FGF14: variants seen among roughly 807,000 people sequenced by gnomAD.
FGF14 encodes the protein fibroblast growth factor homologous factor 4.
A neutral mutation model predicts 25.5 loss-of-function variants in FGF14; 5 were observed. The observed-to-expected ratio is 0.20, with a 90% CI of 0.10 to 0.41. The LOEUF (loss-of-function observed/expected upper bound fraction) is 0.41. Among genes scored for constraint, FGF14 ranks in the 10% least tolerant of loss-of-function variants. The pLI is 1.00. For missense variants in FGF14, 222 were observed against 320.1 expected (o/e 0.69, Z 2.34); for synonymous variants, 138 against 118.3 (o/e 1.17, Z -1.08).
chr13:102,370,670 G>A (rs781716439), intron 1 of FGF14, among the ~76,000 whole-genome samples: 4 of 152,102 alleles, frequency 2.6e-5, no homozygotes, highest in Non-Finnish European at 4.4e-5. Context: ...AACTAAGTGA[G>A]ATAAAAAATG....
chr13:101,997,480 G>T (rs1377306741), intron 1 of FGF14, among the ~76,000 whole-genome samples: 1 of 152,078 alleles, frequency 6.6e-6, no homozygotes, highest in East Asian at 1.9e-4. Context: ...CAGATTTTAG[G>T]CATTATAACA....
At position 101,901,836 on chromosome 13, in the gene FGF14, A is replaced by T. The variant is rs78484975; in HGVS notation, c.193+14617T>A. On this transcript the variant is annotated intron_variant, in intron 1 of 4. Coordinates refer to ENST00000376143, the MANE Select transcript of FGF14 (RefSeq NM_004115.4). ...TATGACCCAGGAAAAATTACTTAACATCTGTCAGTTTCCATTCTTTCGTTT... is the reference window on the plus strand; with the variant it reads ...TATGACCCAGGAAAAATTACTTAACTTCTGTCAGTTTCCATTCTTTCGTTT... Among the ~76,000 whole-genome samples the T allele has an allele frequency of 8.7e-3, 1,324 of 152,272 alleles. 22 individuals are homozygous for T. Among genetic ancestry groups the T allele is most frequent in the African/African-American group, 0.031 (1,267 of 41,536 alleles).
rs373913556 is a variant in FGF14 at position 102,073,723 on chromosome 13, A to G, written c.209-198427T>C. Reference sequence around the variant, plus strand: ...CAATCAAATGGAAGATCTCTCTGTCATGTAATTTTTATATCAAAGGCCTAT... The same window carrying G: ...CAATCAAATGGAAGATCTCTCTGTCGTGTAATTTTTATATCAAAGGCCTAT... On this transcript the variant is annotated intron_variant, in intron 1 of 4. Coordinates refer to the FGF14 transcript ENST00000376131. Among the ~76,000 whole-genome samples the G allele has an allele frequency of 2.6e-4, 40 of 152,364 alleles. No homozygotes were observed. The East Asian group carries it at 3.1e-3, about 12-fold the overall frequency.
At chr13:101,828,139 T>C (rs990678495) in intron 3 of FGF14, among the ~76,000 whole-genome samples, 8 of 152,054 alleles carry the variant, frequency 5.3e-5, no homozygotes, top group Admixed American at 5.3e-4. Flanking sequence ...ATACAGATAT[T>C]GTTCTGACTC....
At chr13:102,008,825 T>A (rs2039936555) in intron 1 of FGF14, among the ~76,000 whole-genome samples, 2 of 152,188 alleles carry the variant, frequency 1.3e-5, no homozygotes, top group Admixed American at 1.3e-4. Context: ...TGATGTGTAA[T>A]CACAACACAA....
rs188083398 is a variant in FGF14, at chr13:102,260,563, A to G, written c.208+140908T>C. 1.8e-4 allele frequency among the ~76,000 whole-genome samples: 27 copies of G among 152,358 alleles called. No individual in the cohort carries two copies. In the East Asian group the frequency reaches 4.6e-3, roughly 26 times the overall value. On this transcript the variant is annotated intron_variant, in intron 1 of 4. Transcript: ENST00000376131. ...AGCTGCTTCTCTTCTCCAATTCACTACAACATGCTAATAGGGTGACTAAAG... is the reference window on the plus strand; with the variant it reads ...AGCTGCTTCTCTTCTCCAATTCACTGCAACATGCTAATAGGGTGACTAAAG...
intron 1 of FGF14, among the ~76,000 whole-genome samples, chr13:101,982,646 C>T (rs1000264957): frequency 6.6e-6 from 1 of 152,164 alleles, no homozygotes; most frequent in Non-Finnish European, 1.5e-5. Context: ...GCATGCTAGG[C>T]CTCACAAAAG....
At chr13:101,913,217 C>T (rs2033131380) in intron 1 of FGF14, among the ~76,000 whole-genome samples, 1 of 152,194 alleles carries the variant, frequency 6.6e-6, no homozygotes, top group Admixed American at 6.5e-5. Flanking sequence ...GATTTGAAAG[C>T]ATATGACTAA....
intron 3 of FGF14, among the ~76,000 whole-genome samples, chr13:101,754,589 CGTA>C (rs1229391787): frequency 6.6e-6 from 1 of 151,916 alleles, no homozygotes; most frequent in Non-Finnish European, 1.5e-5. Context: ...CTCAGCCGAG[CGTA>C]GTGGCATGCA....
intron 3 of FGF14, among the ~76,000 whole-genome samples, chr13:101,838,290 C>T (rs2043025568): frequency 6.6e-6 from 1 of 151,970 alleles, no homozygotes; most frequent in African/African-American, 2.4e-5. Context: ...GACCCTGCAA[C>T]TTCCTGCAGC....
At chr13:101,843,332 C>A (rs900355095) in intron 3 of FGF14, among the ~76,000 whole-genome samples, 1 of 151,918 alleles carries the variant, frequency 6.6e-6, no homozygotes, top group Non-Finnish European at 1.5e-5. Context: ...TTTCATATTG[C>A]TACATCTACT....
rs73561291 is a variant in FGF14 at position 101,842,732 on chromosome 13, A to G, written c.408+25993T>C. On this transcript the variant is annotated intron_variant, in intron 3 of 4. Transcript: ENST00000376143. Reference sequence around the variant, plus strand: ...CATGACTCGGAGAGCAAGGAGCATCACTAAGCATGTTTCATCATGGTTTTA... The same window carrying G: ...CATGACTCGGAGAGCAAGGAGCATCGCTAAGCATGTTTCATCATGGTTTTA... Among the ~76,000 whole-genome samples the G allele has an allele frequency of 5.2e-3, 789 of 152,156 alleles. 8 individuals are homozygous for G. Among genetic ancestry groups the G allele is most frequent in the African/African-American group, 0.018 (756 of 41,552 alleles).
chr13:102,206,792 A>G (rs896393765), intron 1 of FGF14, among the ~76,000 whole-genome samples: 6 of 152,228 alleles, frequency 3.9e-5, no homozygotes, highest in African/African-American at 1.2e-4. Flanking sequence ...AATTTGAATT[A>G]TCTTGAATCC....
chr13:101,935,733 G>A (rs919950803), intron 1 of FGF14, among the ~76,000 whole-genome samples: 20 of 152,082 alleles, frequency 1.3e-4, no homozygotes, highest in African/African-American at 4.6e-4. Context: ...GCATGAGAAC[G>A]GACTAATATA....
intron 1 of FGF14, among the ~76,000 whole-genome samples, chr13:102,127,080 C>A (rs1026303887): frequency 6.6e-6 from 1 of 151,942 alleles, no homozygotes; most frequent in African/African-American, 2.4e-5. Flanking sequence ...TCCATTGCAC[C>A]AGGATGCCTG....
intron 3 of FGF14, among the ~76,000 whole-genome samples, chr13:101,742,270 CA>C (rs1483276605): frequency 6.6e-6 from 1 of 152,158 alleles, no homozygotes; most frequent in Non-Finnish European, 1.5e-5. Flanking sequence ...CACCATGGCA[CA>C]TGTATACCTA....
intron 1 of FGF14, among the ~76,000 whole-genome samples, chr13:101,985,711 T>C (rs1184117093): frequency 6.6e-6 from 1 of 152,102 alleles, no homozygotes; most frequent in Non-Finnish European, 1.5e-5. Flanking sequence ...TCCTGTAAAA[T>C]GCTATGCATA....
chr13:102,354,537 T>C (rs1336337315), intron 1 of FGF14, among the ~76,000 whole-genome samples: 1 of 152,158 alleles, frequency 6.6e-6, no homozygotes, highest in Non-Finnish European at 1.5e-5. Context: ...GATTGATGTC[T>C]CATGTCTCCC....
intron 1 of FGF14, among the ~76,000 whole-genome samples, chr13:101,907,292 A>C (rs897958558): frequency 6.6e-6 from 1 of 152,132 alleles, no homozygotes; most frequent in Non-Finnish European, 1.5e-5. Context: ...GTTTGGCTGA[A>C]CATCAAATCA....
Sources: gnomAD v4.1 joint callset for allele counts (sites outside exome capture counted in the v4.1 genomes callset) on GRCh38, gnomAD v4.1.1 for gene constraint, MANE v1.5 for transcripts, NCBI Gene and HGNC (gene_info 2026-07-23, HGNC 2026-07-21) for gene names.